Variants in KCNH8 observed in about 807,000 individuals in gnomAD.
KCNH8 encodes the protein voltage-gated delayed rectifier potassium channel KCNH8.
KCNH8 carries 70 observed loss-of-function variants against 103.6 expected under a neutral mutation model. That is an observed-to-expected ratio of 0.68 (90% CI 0.56 to 0.82). The LOEUF (loss-of-function observed/expected upper bound fraction) is 0.82. Ranked by LOEUF, KCNH8 falls within the 40% of genes least tolerant of loss-of-function variation. KCNH8 has a pLI of 0.00. For missense variants in KCNH8, 1,217 were observed against 1,329.9 expected, an observed-to-expected ratio of 0.92 and a Z score of 1.32; for synonymous variants, 498 against 489.4, an observed-to-expected ratio of 1.02 and a Z score of -0.23.
At chr3:19,348,025 G>T in intron 5 of KCNH8, 60 bp downstream of exon 5, 1 of 1,572,728 alleles carries the variant, frequency 6.4e-7, no homozygotes, top group East Asian at 2.3e-5. Context: ...GTGTGTTCCA[G>T]ATTTTTCTGA....
rs180918243 is a variant in KCNH8, at chr3:19,355,543, G to C, written c.811+7578G>C. 4.1e-4 allele frequency among the ~76,000 whole-genome samples: 63 copies of C among 152,070 alleles called. No homozygotes were observed. The East Asian group carries it at 7.6e-3, about 18-fold the overall frequency. On this transcript the variant is annotated intron_variant, in intron 5 of 15. Transcript: ENST00000328405. ...TGTGGCACATATACAACATGGAATA[G>C]TATGCAGCCATAAAAAAGGATGAGT...
chr3:19,353,341 C>G (rs1435622710), intron 5 of KCNH8, among the ~76,000 whole-genome samples: 1 of 152,164 alleles, frequency 6.6e-6, no homozygotes, highest in Non-Finnish European at 1.5e-5. Context: ...TGAAACTATT[C>G]AAATCAACAG....
rs186043773 is a variant in KCNH8 at position 19,206,624 on chromosome 3, C to A, written c.77-47030C>A. On this transcript the variant is annotated intron_variant, in intron 1 of 15. Transcript: ENST00000328405. The stretch of plus-strand genomic sequence containing the variant: ...ATGGGGGCTGGGGTGTTATCCTGTA[C>A]CTTATAGGATTTTGAGCAATATTTC... Among the ~76,000 whole-genome samples, 9 of 151,928 alleles carry A rather than the reference C, an allele frequency of 5.9e-5. No individual in the cohort carries two copies. The East Asian group carries it at 1.7e-3, about 29-fold the overall frequency.
intron 1 of KCNH8, among the ~76,000 whole-genome samples, chr3:19,189,667 G>C (rs2063533161): frequency 6.6e-6 from 1 of 151,848 alleles, no homozygotes; most frequent in African/African-American, 2.4e-5. Context: ...ATCACCTTCA[G>C]AAACATAGCT....
chr3:19,364,365 C>T (rs916238346), intron 5 of KCNH8, among the ~76,000 whole-genome samples: 4 of 152,068 alleles, frequency 2.6e-5, no homozygotes, highest in Non-Finnish European at 5.9e-5. Flanking sequence ...ATTCATGGCT[C>T]GGATTTGACC....
rs141734516 is a variant in KCNH8, at chr3:19,425,683, A to G, written c.1178-12481A>G. Among the ~76,000 whole-genome samples, 617 of 152,298 alleles carry G rather than the reference A, an allele frequency of 4.1e-3. 5 individuals carry two copies. Among genetic ancestry groups the G allele is most frequent in the African/African-American group, 0.014 (581 of 41,560 alleles). On this transcript the variant is annotated intron_variant, in intron 7 of 15. Transcript: ENST00000328405. The stretch of plus-strand genomic sequence containing the variant: ...GTGAGAACAGAACATTTAGGAATCA[A>G]ATCTTGTCATGAAGGGGCAATTGCT...
intron 7 of KCNH8, among the ~76,000 whole-genome samples, chr3:19,428,612 G>A (rs564542605): frequency 4.6e-5 from 7 of 152,272 alleles, no homozygotes; most frequent in East Asian, 1.9e-4. Flanking sequence ...AGCGCTTTAC[G>A]TGAATCATGT....
At chr3:19,323,084 T>C (rs934552625) in intron 3 of KCNH8, among the ~76,000 whole-genome samples, 1 of 152,188 alleles carries the variant, frequency 6.6e-6, no homozygotes, top group Non-Finnish European at 1.5e-5. Context: ...ATTTTTCCAG[T>C]CATATCCTGT....
At chr3:19,426,687 T>C (rs1213627796) in intron 7 of KCNH8, among the ~76,000 whole-genome samples, 2 of 152,022 alleles carry the variant, frequency 1.3e-5, no homozygotes, top group Non-Finnish European at 2.9e-5. Flanking sequence ...CCAAGTGATA[T>C]GATACGGTCT....
chr3:19,473,204 T>C (rs1343473380), intron 11 of KCNH8, among the ~76,000 whole-genome samples: 3 of 152,240 alleles, frequency 2.0e-5, no homozygotes, highest in Non-Finnish European at 4.4e-5. Flanking sequence ...AGAAATGGGT[T>C]AGTCTTCTTC....
intron 11 of KCNH8, among the ~76,000 whole-genome samples, chr3:19,463,342 T>C (rs2067671808): frequency 6.6e-6 from 1 of 152,082 alleles, no homozygotes; most frequent in African/African-American, 2.4e-5. Context: ...AGTTTCATAC[T>C]AGTAGTATGC....
chr3:19,341,803 G>T (rs767766837), intron 3 of KCNH8, among the ~76,000 whole-genome samples: 1 of 151,796 alleles, frequency 6.6e-6, no homozygotes, highest in African/African-American at 2.4e-5. Context: ...TATAGTTTTG[G>T]CATGTGTGTG....
chr3:19,299,145 C>T (rs1015945341), intron 3 of KCNH8, among the ~76,000 whole-genome samples: 2 of 151,992 alleles, frequency 1.3e-5, no homozygotes, highest in African/African-American at 4.8e-5. Context: ...AAGAGACTTG[C>T]TTATTTAAAT....
At chr3:19,428,861 A>G (rs2067068281) in intron 7 of KCNH8, among the ~76,000 whole-genome samples, 1 of 152,006 alleles carries the variant, frequency 6.6e-6, no homozygotes, top group Non-Finnish European at 1.5e-5. Flanking sequence ...CATCTGACAC[A>G]TTTCTCTCTA....
chr3:19,491,457 T>A (rs1275693224), intron 11 of KCNH8, among the ~76,000 whole-genome samples: 2 of 152,252 alleles, frequency 1.3e-5, no homozygotes, highest in Non-Finnish European at 2.9e-5. Flanking sequence ...ATTAGTTTGC[T>A]GAGGATTCTT....
At chr3:19,366,886 T>A (rs1028948090) in intron 5 of KCNH8, among the ~76,000 whole-genome samples, 11 of 152,094 alleles carry the variant, frequency 7.2e-5, no homozygotes, top group Admixed American at 6.6e-5. Flanking sequence ...TATTTTTAGA[T>A]GACAGAAAAC....
chr3:19,376,878 A>G (rs1391317196), intron 5 of KCNH8, among the ~76,000 whole-genome samples: 1 of 152,232 alleles, frequency 6.6e-6, no homozygotes, highest in Non-Finnish European at 1.5e-5. Flanking sequence ...GTGAACAAAG[A>G]GATGTCCAAA....
At chr3:19,288,399 G>T (rs2064867830) in intron 3 of KCNH8, among the ~76,000 whole-genome samples, 1 of 148,204 alleles carries the variant, frequency 6.7e-6, no homozygotes, top group Non-Finnish European at 1.5e-5. Flanking sequence ...CCCCACAACA[G>T]GCCCCAGTGT....
chr3:19,301,626 G>A (rs1268517740), intron 3 of KCNH8, among the ~76,000 whole-genome samples: 1 of 151,984 alleles, frequency 6.6e-6, no homozygotes, highest in Non-Finnish European at 1.5e-5. Flanking sequence ...ACACCAAGTG[G>A]GTGTCCTGTA....
Sources: allele counts gnomAD v4.1 joint callset (sites outside exome capture counted in the v4.1 genomes callset), GRCh38; gene constraint gnomAD v4.1.1; transcripts MANE v1.5; gene names NCBI Gene and HGNC (gene_info 2026-07-23, HGNC 2026-07-21).